Variants in SORCS3 observed in about 807,000 individuals in gnomAD.
The protein encoded by SORCS3 is sortilin related VPS10 domain containing receptor 3.
In SORCS3, 57 loss-of-function variants were observed where a neutral mutation model predicts 146.3. That is an observed-to-expected ratio of 0.39 (90% CI 0.31 to 0.49). The LOEUF (loss-of-function observed/expected upper bound fraction) is 0.49. SORCS3 is among the 20% of genes least tolerant of loss of function. The pLI is 0.92. For missense variants in SORCS3, 1,341 were observed against 1,575.5 expected (o/e 0.85, Z 2.52); for synonymous variants, 653 against 618.5 (o/e 1.06, Z -0.83).
intron 5 of SORCS3, among the ~76,000 whole-genome samples, chr10:105,049,415 CAT>C (rs2055396201): frequency 6.6e-6 from 1 of 152,006 alleles, no homozygotes; most frequent in African/African-American, 2.4e-5. Flanking sequence ...CCCCAAGTAT[CAT>C]AGCTTTTCTT....
At chr10:105,063,925 T>A (rs2133720476) in intron 5 of SORCS3, among the ~76,000 whole-genome samples, 1 of 152,378 alleles carries the variant, frequency 6.6e-6, no homozygotes, top group South Asian at 2.1e-4. Flanking sequence ...GTCGCAGCTC[T>A]GCGGTGTTCC....
At chr10:105,235,982 A>T (rs542672087) in intron 20 of SORCS3, among the ~76,000 whole-genome samples, 1 of 152,210 alleles carries the variant, frequency 6.6e-6, no homozygotes, top group Admixed American at 6.5e-5. Flanking sequence ...GCTTTTCATG[A>T]TGTTATTAGA....
chr10:105,165,266 C>T (rs1191752335), intron 12 of SORCS3, among the ~76,000 whole-genome samples: 1 of 151,958 alleles, frequency 6.6e-6, no homozygotes, highest in Non-Finnish European at 1.5e-5. Context: ...ATTTTAGTGG[C>T]ATTATTAGCA....
At chr10:105,138,631 T>A (rs894491939) in intron 7 of SORCS3, among the ~76,000 whole-genome samples, 1 of 152,204 alleles carries the variant, frequency 6.6e-6, no homozygotes, top group Non-Finnish European at 1.5e-5. Context: ...CCGTGCCATG[T>A]TGGCAGGGCT....
chr10:104,842,623 T>C (rs1227528967), intron 1 of SORCS3, among the ~76,000 whole-genome samples, 169 bp from the exon 2 acceptor site: 1 of 152,216 alleles, frequency 6.6e-6, no homozygotes, highest in Non-Finnish European at 1.5e-5. Context: ...AATTAATAAC[T>C]TTTTCCCCCT....
intron 12 of SORCS3, among the ~76,000 whole-genome samples, chr10:105,166,745 C>G (rs1167697904): frequency 2.0e-5 from 3 of 152,112 alleles, no homozygotes; most frequent in Non-Finnish European, 4.4e-5. Flanking sequence ...ATCCAACTTG[C>G]AGGGAGGTGG....
rs1422782422 is a variant in SORCS3 at position 104,842,802 on chromosome 10, T to C, written c.638T>C (p.Ile213Thr). ...WSGHNSSVIL[I>T]LTKLYDFNLG... ...CCCAACCCCTTGCAGGTCATACTTATCCTGACGAAGCTGTATGACTTCAAC... is the reference window on the plus strand; with the variant it reads ...CCCAACCCCTTGCAGGTCATACTTACCCTGACGAAGCTGTATGACTTCAAC... Residue 213 changes from isoleucine to threonine, a missense_variant, in exon 2 of 27, where the codon ATC becomes ACC. Physicochemically the swap from Ile to Thr is moderately conservative, Grantham distance 89 (BLOSUM62 -1). Coordinates refer to ENST00000369701, the MANE Select transcript of SORCS3 (RefSeq NM_014978.3). 3 of 1,613,730 alleles carry C rather than the reference T, an allele frequency of 1.9e-6. No homozygotes were observed. The highest frequency in any genetic ancestry group is 1.7e-5 in the Admixed American group (1 of 59,994).
intron 4 of SORCS3, among the ~76,000 whole-genome samples, chr10:105,008,780 G>C (rs1005610359): frequency 5.3e-5 from 8 of 152,202 alleles, no homozygotes; most frequent in Non-Finnish European, 1.0e-4. Flanking sequence ...CTGAGTAGCT[G>C]GGATTACAGG....
chr10:104,930,531 A>G (rs2019196246), intron 3 of SORCS3, among the ~76,000 whole-genome samples: 2 of 152,226 alleles, frequency 1.3e-5, no homozygotes, highest in South Asian at 4.1e-4. Flanking sequence ...TGCCGAGAGA[A>G]GAAGTCACGG....
At chr10:105,078,179 ATC>A (rs1405255944) in intron 5 of SORCS3, among the ~76,000 whole-genome samples, 2 of 152,230 alleles carry the variant, frequency 1.3e-5, no homozygotes, top group Admixed American at 1.3e-4. Context: ...AATGAATGAA[ATC>A]TGTTTCACCA....
chr10:104,938,650 G>T (rs2019283054), intron 3 of SORCS3, among the ~76,000 whole-genome samples: 1 of 152,064 alleles, frequency 6.6e-6, no homozygotes, highest in Admixed American at 6.6e-5. Context: ...GATCACCTTG[G>T]CCCAGTGTTT....
At chr10:104,695,520 A>C (rs2016164131) in intron 1 of SORCS3, among the ~76,000 whole-genome samples, 1 of 151,982 alleles carries the variant, frequency 6.6e-6, no homozygotes, top group Non-Finnish European at 1.5e-5. Context: ...GATAAGTTAA[A>C]AAAATGAAAG....
chr10:104,886,094 G>A (rs1372345650), intron 2 of SORCS3, among the ~76,000 whole-genome samples: 1 of 152,138 alleles, frequency 6.6e-6, no homozygotes, highest in Non-Finnish European at 1.5e-5. Context: ...GCTGCAGGAG[G>A]ATTAGAATTT....
chr10:104,682,710 A>G (rs1486029071), intron 1 of SORCS3, among the ~76,000 whole-genome samples: 2 of 152,178 alleles, frequency 1.3e-5, no homozygotes, highest in Non-Finnish European at 2.9e-5. Context: ...CAGCATATTT[A>G]TTTTGCTAAA....
intron 21 of SORCS3, 137 bp from the exon 22 acceptor site, chr10:105,247,082 A>T: frequency 2.2e-6 from 1 of 460,270 alleles, no homozygotes; most frequent in Non-Finnish European, 3.9e-6. Context: ...ACAAGCTGAG[A>T]ACAAGGAATT....
intron 3 of SORCS3, among the ~76,000 whole-genome samples, chr10:104,950,667 G>A (rs1429214870): frequency 6.6e-6 from 1 of 152,142 alleles, no homozygotes; most frequent in Non-Finnish European, 1.5e-5. Context: ...AGTGGCTTGG[G>A]GAAAAGCCAC....
chr10:104,985,842 G>T (rs558154701), intron 4 of SORCS3, among the ~76,000 whole-genome samples: 16 of 151,682 alleles, frequency 1.1e-4, no homozygotes, highest in African/African-American at 3.9e-4. Flanking sequence ...TCAACAGTGG[G>T]CTTAAAATAT....
chr10:104,903,091 C>T (rs1169769630), intron 2 of SORCS3, among the ~76,000 whole-genome samples: 1 of 152,114 alleles, frequency 6.6e-6, no homozygotes, highest in African/African-American at 2.4e-5. Context: ...AATCATATGA[C>T]CTGGGTTCAA....
intron 4 of SORCS3, among the ~76,000 whole-genome samples, chr10:105,003,811 A>G (rs978330095): frequency 6.6e-6 from 1 of 151,986 alleles, no homozygotes; most frequent in Non-Finnish European, 1.5e-5. Flanking sequence ...GTTTATGCCA[A>G]CAGTTCAGCC....
Sources: allele counts gnomAD v4.1 joint callset (sites outside exome capture counted in the v4.1 genomes callset), GRCh38; gene constraint gnomAD v4.1.1; transcripts MANE v1.5; gene names NCBI Gene and HGNC (gene_info 2026-07-23, HGNC 2026-07-21).